Variants in GNA14 observed in about 807,000 individuals in gnomAD.
The protein encoded by GNA14 is G protein subunit alpha 14.
In GNA14, 50 loss-of-function variants were observed where a neutral mutation model predicts 42.0. That is an observed-to-expected ratio of 1.19 (90% CI 0.95 to 1.51). The LOEUF (loss-of-function observed/expected upper bound fraction) is 1.51, where lower values mean the gene tolerates loss of function less well. Ranked by LOEUF, GNA14 falls within the 40% of genes most tolerant of loss-of-function variation. GNA14 has a pLI of 0.00. For synonymous variants in GNA14, 173 were observed against 163.1 expected (o/e 1.06, Z -0.46); for missense variants, 473 against 446.2 (o/e 1.06, Z -0.54).
intron 1 of GNA14, among the ~76,000 whole-genome samples, chr9:77,569,462 C>A (rs1343919950): frequency 6.6e-6 from 1 of 152,186 alleles, no homozygotes; most frequent in Non-Finnish European, 1.5e-5. Flanking sequence ...CGAGGACCTA[C>A]TATGTGTTGG....
At chr9:77,470,644 G>A (rs569902544) in intron 2 of GNA14, among the ~76,000 whole-genome samples, 1 of 152,310 alleles carries the variant, frequency 6.6e-6, no homozygotes, top group Admixed American at 6.5e-5. Flanking sequence ...ATCAGGAAAG[G>A]TTTCAAAGAG....
At chr9:77,541,015 C>T (rs908573467) in intron 1 of GNA14, among the ~76,000 whole-genome samples, 18 of 151,458 alleles carry the variant, frequency 1.2e-4, no homozygotes, top group African/African-American at 3.9e-4. Flanking sequence ...TTTCTGGTTC[C>T]TTTGTTCATT....
intron 2 of GNA14, among the ~76,000 whole-genome samples, chr9:77,515,756 G>T (rs1244234747): frequency 6.6e-6 from 1 of 151,796 alleles, no homozygotes; most frequent in African/African-American, 2.4e-5. Context: ...TTGTGTCTAG[G>T]AGTTCAAGAC....
At chr9:77,474,741 A>C (rs1836389869) in intron 2 of GNA14, among the ~76,000 whole-genome samples, 3 of 152,224 alleles carry the variant, frequency 2.0e-5, no homozygotes, top group African/African-American at 7.2e-5. Flanking sequence ...AAGTGGAAAC[A>C]ACACAATACC....
At chr9:77,492,660 T>G (rs1299588985) in intron 2 of GNA14, among the ~76,000 whole-genome samples, 1 of 152,110 alleles carries the variant, frequency 6.6e-6, no homozygotes, top group African/African-American at 2.4e-5. Flanking sequence ...TAACATGCAT[T>G]TCCCAGAACC....
At chr9:77,623,140 C>T (rs1277150644) in intron 1 of GNA14, among the ~76,000 whole-genome samples, 22 of 135,212 alleles carry the variant, frequency 1.6e-4, no homozygotes, top group Middle Eastern at 4.0e-3. Flanking sequence ...TGCTTGAACC[C>T]GGGGAGGCAG....
chr9:77,560,764 G>C (rs906241623), intron 1 of GNA14, among the ~76,000 whole-genome samples: 27 of 152,096 alleles, frequency 1.8e-4, no homozygotes, highest in African/African-American at 6.5e-4. Context: ...ACAGAACTTT[G>C]CAGAAAGACA....
At chr9:77,616,467 G>A (rs1370264746) in intron 1 of GNA14, among the ~76,000 whole-genome samples, 1 of 152,208 alleles carries the variant, frequency 6.6e-6, no homozygotes, top group African/African-American at 2.4e-5. Flanking sequence ...GAGGTCAGGA[G>A]TACCACCAGA....
chr9:77,620,499 G>A (rs1378923760), intron 1 of GNA14, among the ~76,000 whole-genome samples: 3 of 152,168 alleles, frequency 2.0e-5, no homozygotes, highest in Non-Finnish European at 2.9e-5. Context: ...TAGAGCTCTA[G>A]CAAATATCAT....
intron 2 of GNA14, among the ~76,000 whole-genome samples, chr9:77,475,178 T>C (rs903767425): frequency 3.9e-5 from 6 of 152,114 alleles, no homozygotes; most frequent in African/African-American, 1.4e-4. Context: ...CACATAATAA[T>C]GGAATGCCAC....
chr9:77,508,510 T>C (rs1336537258), intron 2 of GNA14, among the ~76,000 whole-genome samples: 1 of 152,194 alleles, frequency 6.6e-6, no homozygotes, highest in East Asian at 1.9e-4. Context: ...TGTATATGTC[T>C]TGCTGGAAAT....
chr9:77,572,010 C>T (rs942944655), intron 1 of GNA14, among the ~76,000 whole-genome samples: 11 of 151,978 alleles, frequency 7.2e-5, no homozygotes, highest in African/African-American at 2.2e-4. Flanking sequence ...TGGTTTCTAG[C>T]GATTTCAATT....
chr9:77,499,946 T>C (rs1458133388), intron 2 of GNA14, among the ~76,000 whole-genome samples: 6 of 152,230 alleles, frequency 3.9e-5, no homozygotes, highest in East Asian at 1.9e-4. Flanking sequence ...TTTAAACACA[T>C]GGGAGTTTCA....
intron 2 of GNA14, among the ~76,000 whole-genome samples, chr9:77,499,850 AAAATAAATAAAT>A (rs372910074): frequency 2.0e-5 from 3 of 151,664 alleles, no homozygotes; most frequent in East Asian, 3.9e-4. Context: ...ACTGTCTCAA[AAAATAAATAAAT>A]AAATAAATAA....
intron 1 of GNA14, among the ~76,000 whole-genome samples, chr9:77,584,808 C>G (rs1189615762): frequency 2.6e-5 from 4 of 152,048 alleles, no homozygotes; most frequent in African/African-American, 9.7e-5. Flanking sequence ...TGATTATATA[C>G]TAAATAAGGG....
rs751086989 is a variant in GNA14 at position 77,428,929 on chromosome 9, A to G, written c.701T>C (p.Val234Ala). 3.0e-5 allele frequency: 49 copies of G among 1,613,836 alleles called. No homozygotes were observed. The change falls in exon 5 of 7, where the codon GTC becomes GCC. Residue 234 changes from valine (V) to alanine (A), a missense_variant. Coordinates refer to ENST00000341700, the MANE Select transcript of GNA14 (RefSeq NM_004297.4). Reference sequence around the variant, plus strand: ...TACCTCGTTGTCACACTCAGCCAGGACCTGGTCATATTCACTCAGAGCAAC... The same window carrying G: ...TACCTCGTTGTCACACTCAGCCAGGGCCTGGTCATATTCACTCAGAGCAAC... Reference protein sequence around the residue: ...FLVALSEYDQVLAECDNENRM... With the variant: ...FLVALSEYDQALAECDNENRM...
At chr9:77,468,696 G>A (rs1836277878) in intron 2 of GNA14, among the ~76,000 whole-genome samples, 2 of 152,198 alleles carry the variant, frequency 1.3e-5, no homozygotes, top group African/African-American at 4.8e-5. Context: ...GCTGCTGCGT[G>A]CTTCTCTATC....
intron 1 of GNA14, among the ~76,000 whole-genome samples, chr9:77,600,929 A>G (rs1179882243): frequency 6.6e-6 from 1 of 152,218 alleles, no homozygotes; most frequent in Non-Finnish European, 1.5e-5. Context: ...CAAAAACAAA[A>G]CAAAGCAATA....
intron 4 of GNA14, among the ~76,000 whole-genome samples, chr9:77,430,755 A>G (rs1564011572): frequency 6.6e-6 from 1 of 152,144 alleles, no homozygotes; most frequent in Admixed American, 6.5e-5. Flanking sequence ...ATTATTATTC[A>G]TTTTTTACCA....
Sources: allele counts gnomAD v4.1 joint callset (sites outside exome capture counted in the v4.1 genomes callset), GRCh38; gene constraint gnomAD v4.1.1; transcripts MANE v1.5; gene names NCBI Gene and HGNC (gene_info 2026-07-23, HGNC 2026-07-21).